RBM19: variants seen among roughly 807,000 people sequenced by gnomAD.
RBM19 encodes the protein RNA binding motif protein 19, also known as probable RNA-binding protein 19.
RBM19 carries 94 observed loss-of-function variants against 116.8 expected under a neutral mutation model. The observed-to-expected ratio is 0.80, with a 90% confidence interval of 0.68 to 0.95. RBM19 has a LOEUF of 0.95. Ranked by LOEUF, RBM19 falls within the 40% of genes least tolerant of loss-of-function variation. The probability of loss-of-function intolerance (pLI) is 0.00; values close to 1 mark genes in which losing one functional copy is unlikely to be tolerated. For missense variants in RBM19, 1,161 were observed against 1,220.7 expected, an observed-to-expected ratio of 0.95 and a Z score of 0.73; for synonymous variants, 475 against 494.1, an observed-to-expected ratio of 0.96 and a Z score of 0.51.
chr12:113,823,166 C>T lies in RBM19; in HGVS notation c.*58G>A. On this transcript the variant is annotated 3_prime_UTR_variant, in exon 24 of 24. Coordinates refer to ENST00000261741, the MANE Select transcript of RBM19 (RefSeq NM_016196.4). ...GCCCACATGGTGGTGAGTGCAGAAG[C>T]TGGAGCGGCTGTCCCGGTCCCCAGG... 1 of 1,512,164 alleles carries T rather than the reference C, an allele frequency of 6.6e-7. No individual in the cohort carries two copies. The allele number at this position is 1,512,164 out of a possible 1,614,324, so 93.7% of individuals were successfully genotyped here. A position where few individuals can be genotyped will look rare whatever the true frequency, so the allele number is the denominator to read the frequency against.
chr12:113,962,486 A>T, intron 1 of RBM19, 72 bp from the exon 2 acceptor site: 1 of 1,452,106 alleles, frequency 6.9e-7, no homozygotes. Flanking sequence ...TGGGCTGGAA[A>T]CCTGAGGCCA....
At chr12:113,948,436 G>A (rs1260889967) in intron 10 of RBM19, among the ~76,000 whole-genome samples, 1 of 152,176 alleles carries the variant, frequency 6.6e-6, no homozygotes, top group Non-Finnish European at 1.5e-5. Context: ...GTTCAGATAC[G>A]GAGGAACGCC....
chr12:113,896,684 T>C (rs1881354025), intron 21 of RBM19, among the ~76,000 whole-genome samples: 1 of 152,092 alleles, frequency 6.6e-6, no homozygotes, highest in Admixed American at 6.5e-5. Context: ...GCGGGAGGAA[T>C]GGTGAATAAC....
At chr12:113,908,811 C>T (rs763575652) in intron 21 of RBM19, among the ~76,000 whole-genome samples, 49 of 152,128 alleles carry the variant, frequency 3.2e-4, no homozygotes, top group Non-Finnish European at 6.8e-4. Flanking sequence ...CCTTACACTT[C>T]GCGTTTCTAC....
chr12:113,934,952 T>G (rs944561689), intron 16 of RBM19, among the ~76,000 whole-genome samples: 8 of 152,180 alleles, frequency 5.3e-5, no homozygotes, highest in Non-Finnish European at 7.3e-5. Flanking sequence ...AGCTTCCCTA[T>G]GCCTGGGCCC....
At chr12:113,938,916 G>A (rs531465855) in intron 15 of RBM19, among the ~76,000 whole-genome samples, 6 of 152,312 alleles carry the variant, frequency 3.9e-5, no homozygotes, top group South Asian at 2.1e-4. Flanking sequence ...CTTCGGAACC[G>A]TGGGATGATC....
chr12:113,946,714 C>T (rs1871055723), intron 11 of RBM19, among the ~76,000 whole-genome samples: 1 of 152,182 alleles, frequency 6.6e-6, no homozygotes, highest in Non-Finnish European at 1.5e-5. Context: ...CAGTGTATAA[C>T]CCCGCACCCG....
At chr12:113,884,925 A>T (rs78588014) in intron 21 of RBM19, among the ~76,000 whole-genome samples, 5 of 147,682 alleles carry the variant, frequency 3.4e-5, no homozygotes, top group African/African-American at 1.3e-4. Context: ...TGATAAAAAA[A>T]TAAGAAAATA....
At chr12:113,817,335 C>G (rs1874106918), downstream of RBM19, 1 of 152,326 alleles carries the variant, frequency 6.6e-6, no homozygotes, top group Non-Finnish European at 1.5e-5. Flanking sequence ...CACAGTGTCT[C>G]GCACACAGCA....
At chr12:113,929,200 C>T (rs958779135) in intron 16 of RBM19, among the ~76,000 whole-genome samples, 12 of 152,210 alleles carry the variant, frequency 7.9e-5, no homozygotes, top group African/African-American at 2.4e-4. Flanking sequence ...ATACTCTCAC[C>T]GCCAAGCACA....
intron 16 of RBM19, among the ~76,000 whole-genome samples, chr12:113,928,625 A>ATGTGTGTATGTGTGTGTGTG (rs1869333867): frequency 8.3e-6 from 1 of 120,334 alleles, no homozygotes; most frequent in Non-Finnish European, 1.8e-5. Flanking sequence ...TTAGCAAGGG[A>ATGTGTGTATGTGTGTGTGTG]TGTGTGTGTG....
intron 23 of RBM19, among the ~76,000 whole-genome samples, chr12:113,841,422 CTTTT>C (rs71089416): frequency 6.9e-5 from 9 of 130,004 alleles, no homozygotes; most frequent in East Asian, 6.6e-4. Context: ...TTTTTCTTTT[CTTTT>C]TTTTTTTTTT....
intron 15 of RBM19, among the ~76,000 whole-genome samples, chr12:113,939,529 C>G (rs1213675194): frequency 2.5e-5 from 3 of 121,104 alleles, no homozygotes; most frequent in Non-Finnish European, 5.1e-5. Context: ...GCGGGCGGAT[C>G]ACGAGGTCAG....
At chr12:113,932,180 A>G in intron 16 of RBM19, among the ~76,000 whole-genome samples, 1 of 152,166 alleles carries the variant, frequency 6.6e-6, no homozygotes, top group South Asian at 2.1e-4. Context: ...CACATGTGTG[A>G]CCTTGCTCAA....
At chr12:113,877,669 C>T (rs143969278) in intron 21 of RBM19, among the ~76,000 whole-genome samples, 4 of 152,164 alleles carry the variant, frequency 2.6e-5, no homozygotes, top group African/African-American at 7.2e-5. Flanking sequence ...CAGGCAGCAA[C>T]GAAAGCAAGA....
At chr12:113,839,172 C>T (rs1876234970) in intron 23 of RBM19, among the ~76,000 whole-genome samples, 1 of 152,228 alleles carries the variant, frequency 6.6e-6, no homozygotes, top group South Asian at 2.1e-4. Flanking sequence ...CTCTTAGGGT[C>T]TGCCAGGGCC....
intron 21 of RBM19, among the ~76,000 whole-genome samples, chr12:113,905,332 A>T (rs67207218): frequency 6.6e-6 from 1 of 152,274 alleles, no homozygotes; most frequent in South Asian, 2.1e-4. Context: ...GACAAAATCA[A>T]TGCTGCAGAG....
chr12:113,896,759 G>A (rs1881360399), intron 21 of RBM19, among the ~76,000 whole-genome samples: 2 of 152,130 alleles, frequency 1.3e-5, no homozygotes, highest in Admixed American at 1.3e-4. Flanking sequence ...AAACAAAATG[G>A]AATCTTGAGG....
At chr12:113,878,687 C>T (rs1879851509) in intron 21 of RBM19, among the ~76,000 whole-genome samples, 3 of 149,912 alleles carry the variant, frequency 2.0e-5, no homozygotes, top group South Asian at 4.3e-4. Context: ...ACTCAGCAAA[C>T]GTCCCATAGC....
Sources: gnomAD v4.1 joint callset for allele counts (sites outside exome capture counted in the v4.1 genomes callset) on GRCh38, gnomAD v4.1.1 for gene constraint, MANE v1.5 for transcripts, NCBI Gene and HGNC (gene_info 2026-07-23, HGNC 2026-07-21) for gene names.